Variants in PRAM1 observed in about 807,000 individuals in gnomAD.
The protein encoded by PRAM1 is PML-RARA regulated adaptor molecule 1.
In PRAM1, 41 loss-of-function variants were observed where a neutral mutation model predicts 55.3. That is an observed-to-expected ratio of 0.74 (90% CI 0.58 to 0.96). The LOEUF is 0.96. PRAM1 is among the 40% of genes least tolerant of loss of function. PRAM1 has a pLI of 0.00. For synonymous variants in PRAM1, 401 were observed against 387.1 expected, an observed-to-expected ratio of 1.04 and a Z score of -0.42; for missense variants, 898 against 892.7, an observed-to-expected ratio of 1.01 and a Z score of -0.08.
intron 5 of PRAM1, 41 bp from the exon 6 acceptor site, chr19:8,491,036 T>C (rs755876683): frequency 4.3e-6 from 7 of 1,612,408 alleles, no homozygotes; most frequent in Non-Finnish European, 5.9e-6. Context: ...CGTGAGCAAG[T>C]TGTGCTCCTC....
At chr19:8,494,112 T>A (rs1325190002) in intron 4 of PRAM1, among the ~76,000 whole-genome samples, 1 of 152,192 alleles carries the variant, frequency 6.6e-6, no homozygotes, top group Non-Finnish European at 1.5e-5. Flanking sequence ...TTTTCTTTTT[T>A]CCTATCAGAA....
At position 8,499,354 on chromosome 19, in the gene PRAM1, G is replaced by C. The variant is rs765883963; in HGVS notation, c.454C>G (p.Pro152Ala). Residue 152 changes from proline to alanine, a missense_variant, in exon 2 of 10, where the codon CCT (proline) becomes GCT (alanine). By Grantham distance (27) the Pro-to-Ala change is conservative. This residue lies in a region of PRAM1 where 787 missense variants were observed against 735.4 expected (regional missense o/e 1.07). Coordinates refer to ENST00000423345, the MANE Select transcript of PRAM1 (RefSeq NM_032152.5). Reference protein sequence around the residue: ...KPLQPEVGEAPLKASLPEPGA... With the variant: ...KPLQPEVGEAALKASLPEPGA... ...GGCTCCGGCAGCGAGGCCTTCAAAG[G>C]GGCCTCACCGACCTCAGGCTGCAGG... 3 of 1,612,422 alleles carry C rather than the reference G, an allele frequency of 1.9e-6. No homozygotes were observed. The highest frequency in any genetic ancestry group is 2.5e-6 in the Non-Finnish European group (3 of 1,179,554).
Position 8,490,096 on chromosome 19 carries a change from G to A in PRAM1, c.*93C>T. ...CTTTATGTGGCCAGGTACAAGCCCA[G>A]GCAGCTCTGTGACTTTCCCGCGCCG... On this transcript the variant is annotated 3_prime_UTR_variant, in exon 10 of 10. Transcript: ENST00000423345. This position sits in a 1 kb window ranked among gnomAD's most constrained non-coding sequence, Gnocchi z 7.3. The A allele has an allele frequency of 7.9e-7, 1 of 1,270,906 alleles. No individual in the cohort carries two copies. The highest frequency in any genetic ancestry group is 1.1e-6 in the Non-Finnish European group (1 of 932,100). 78.7% of individuals were successfully genotyped at this position (1,270,906 alleles called of 1,614,324 possible).
intron 1 of PRAM1, among the ~76,000 whole-genome samples, chr19:8,500,602 A>G (rs1971792998): frequency 6.6e-6 from 1 of 151,526 alleles, no homozygotes; most frequent in African/African-American, 2.4e-5. Context: ...CTACCCAGCC[A>G]CCTTCTCCTC....
At chr19:8,492,340 T>C (rs1971642120) in intron 4 of PRAM1, among the ~76,000 whole-genome samples, 1 of 151,676 alleles carries the variant, frequency 6.6e-6, no homozygotes, top group Non-Finnish European at 1.5e-5. Context: ...CACTGCAACC[T>C]CTGCCTCCTG....
rs761354770 is a variant in PRAM1 at position 8,499,336 on chromosome 19, G to A, written c.472C>T (p.Pro158Ser). ...VGEAPLKASL[P>S]EPGAPARKPL... ...TTCCGGGCCGGCGCACCAGGCTCCG[G>A]CAGCGAGGCCTTCAAAGGGGCCTCA... The change falls in exon 2 of 10, where the codon CCG becomes TCG. Residue 158 changes from proline (P) to serine (S), a missense_variant. This residue lies in a region of PRAM1 where 787 missense variants were observed against 735.4 expected (regional missense o/e 1.07). Coordinates refer to ENST00000423345, the MANE Select transcript of PRAM1 (RefSeq NM_032152.5). 1 of 1,611,562 alleles carries A rather than the reference G, an allele frequency of 6.2e-7. No homozygotes were observed. The highest frequency in any genetic ancestry group is 1.1e-5 in the South Asian group (1 of 90,956).
At chr19:8,502,102 C>T (rs575734545) in intron 1 of PRAM1, among the ~76,000 whole-genome samples, 2 of 152,198 alleles carry the variant, frequency 1.3e-5, no homozygotes, top group Admixed American at 6.5e-5. Context: ...GCCTGAAGTG[C>T]CCCTGTCAAA....
Position 8,490,679 on chromosome 19 carries a change from G to T in PRAM1, c.1821C>A (p.His607Gln). ...NAKTRRGGGKHLGIRRGEILE... is the reference protein window; with the variant it reads ...NAKTRRGGGKQLGIRRGEILE... ...GGATCTCCCCGCGCCGGATCCCGAG[G>T]TGCTTGCCACCCCCGCGACGTGTCT... Residue 607 changes from histidine to glutamine, a missense_variant, in exon 7 of 10, where the codon CAC (histidine) becomes CAA (glutamine). Coordinates refer to ENST00000423345, the MANE Select transcript of PRAM1 (RefSeq NM_032152.5). This position sits in a 1 kb window ranked among gnomAD's most constrained non-coding sequence, Gnocchi z 7.3. 1 of 1,602,826 alleles carries T rather than the reference G, an allele frequency of 6.2e-7. No individual in the cohort carries two copies. Among genetic ancestry groups the T allele is most frequent in the Non-Finnish European group, 8.5e-7 (1 of 1,174,810 alleles).
chr19:8,497,977 G>A (rs1971723976), intron 3 of PRAM1, 137 bp from the exon 4 acceptor site: 1 of 748,358 alleles, frequency 1.3e-6, no homozygotes, highest in Non-Finnish European at 2.1e-6. Flanking sequence ...CACCTCCCGG[G>A]TTCAAGCGAT....
intron 4 of PRAM1, among the ~76,000 whole-genome samples, chr19:8,494,197 T>C (rs1971666474): frequency 6.6e-6 from 1 of 152,046 alleles, no homozygotes; most frequent in Non-Finnish European, 1.5e-5. Context: ...GGGGACTGTA[T>C]GAAGTTTGAG....
Position 8,497,725 on chromosome 19 carries a change from C to T in PRAM1, c.1576+39G>A, listed in dbSNP as rs755054593. ...AGCATGGCAGAAAATGGCCTTGCCC[C>T]GAATGTTTTGCAGGGACTCGGGCAG... On this transcript the variant is annotated intron_variant, in intron 4 of 9. Coordinates refer to ENST00000423345, the MANE Select transcript of PRAM1 (RefSeq NM_032152.5). 1.2e-5 allele frequency: 18 copies of T among 1,553,294 alleles called. No homozygotes were observed. In the African/African-American group the frequency reaches 1.7e-4, roughly 14 times the overall value.
chr19:8,497,538 T>C (rs1230761865), intron 4 of PRAM1, among the ~76,000 whole-genome samples: 3 of 152,146 alleles, frequency 2.0e-5, no homozygotes, highest in Non-Finnish European at 4.4e-5. Context: ...TGCTTTTGAT[T>C]ACTGAATTCA....
At chr19:8,499,891 G>A (rs980691617) in intron 1 of PRAM1, 111 bp from the exon 2 acceptor site, 3 of 873,224 alleles carry the variant, frequency 3.4e-6, no homozygotes, top group Admixed American at 2.9e-5. Context: ...CTGCGCCCAG[G>A]CCCGGTCAGC....
intron 4 of PRAM1, among the ~76,000 whole-genome samples, chr19:8,497,173 CTTTT>C (rs34873845): frequency 1.0e-4 from 12 of 118,848 alleles, no homozygotes; most frequent in South Asian, 2.8e-4. Context: ...CCAAATCCTG[CTTTT>C]TTTTTTTTTT....
At chr19:8,496,841 C>T (rs1388704720) in intron 4 of PRAM1, among the ~76,000 whole-genome samples, 1 of 151,742 alleles carries the variant, frequency 6.6e-6, no homozygotes, top group Non-Finnish European at 1.5e-5. Context: ...ATCGAGACCA[C>T]GGTGAAACCC....
rs377249274 is a variant in PRAM1, at chr19:8,490,709, G to C, written c.1791C>G (p.Asn597Lys). 6.2e-7 allele frequency: 1 copy of C among 1,611,082 alleles called. No individual in the cohort carries two copies. The highest frequency in any genetic ancestry group is 1.7e-5 in the Admixed American group (1 of 59,606). ...VVHTKMMIDPNAKTRRGGGKH... is the reference protein window; with the variant it reads ...VVHTKMMIDPKAKTRRGGGKH... ...TGCCACCCCCGCGACGTGTCTTAGC[G>C]TTGGGGTCGATCATCATCTTCGTGT... The change falls in exon 7 of 10, where the codon AAC becomes AAG. Residue 597 changes from asparagine to lysine, a missense_variant. Around this residue, in one of 4 missense-constraint regions of PRAM1, gnomAD observed 787 missense variants for 735.4 expected, o/e 1.07. Coordinates refer to ENST00000423345, the MANE Select transcript of PRAM1 (RefSeq NM_032152.5). The surrounding 1 kb of genome is among the most constrained non-coding windows in gnomAD (Gnocchi z 7.3).
chr19:8,498,854 G>A lies in PRAM1; in HGVS notation c.954C>T (p.Ser318=). 6.2e-7 allele frequency: 1 copy of A among 1,609,090 alleles called. No homozygotes were observed. The highest frequency in any genetic ancestry group is 1.1e-5 in the South Asian group (1 of 90,392). Residue 318 remains serine (S), a synonymous_variant, in exon 2 of 10, where the codon TCC becomes TCT. Coordinates refer to ENST00000423345, the MANE Select transcript of PRAM1 (RefSeq NM_032152.5). ...CCAGCTCGGGCTGCGGGGGCTTCTT[G>A]GAGAGCGCTTTGAATTCGGCCGGCC... ...RPRPAEFKAL[S]KKPPQPELGG...
chr19:8,499,028 G>C lies in PRAM1; in HGVS notation c.780C>G (p.Ser260Arg). 6.2e-7 allele frequency: 1 copy of C among 1,613,578 alleles called. No individual in the cohort carries two copies. The change falls in exon 2 of 10, where the codon AGC becomes AGG. Residue 260 changes from serine (S) to arginine (R), a missense_variant. Around this residue, in one of 4 missense-constraint regions of PRAM1, gnomAD observed 787 missense variants for 735.4 expected, o/e 1.07. Coordinates refer to ENST00000423345, the MANE Select transcript of PRAM1 (RefSeq NM_032152.5). ...AGGCGCTGGAGTCGCGCTTCGGCTCGCTGGACTGAGGCTTCCAGAGGGGAG... is the reference window on the plus strand; with the variant it reads ...AGGCGCTGGAGTCGCGCTTCGGCTCCCTGGACTGAGGCTTCCAGAGGGGAG... Reference protein sequence around the residue: ...AQTPLWKPQSSEPKRDSSAFP... With the variant: ...AQTPLWKPQSREPKRDSSAFP...
intron 1 of PRAM1, among the ~76,000 whole-genome samples, chr19:8,501,179 A>C (rs1452424296): frequency 6.7e-6 from 1 of 148,474 alleles, no homozygotes; most frequent in Admixed American, 6.7e-5. Flanking sequence ...CCATACTGCA[A>C]CCTCCGCCTC....
Sources: allele counts gnomAD v4.1 joint callset (sites outside exome capture counted in the v4.1 genomes callset), GRCh38; gene constraint gnomAD v4.1.1; regional missense constraint gnomAD v4.1.1; non-coding constraint Gnocchi (gnomAD v3.1); transcripts MANE v1.5; gene names NCBI Gene and HGNC (gene_info 2026-07-23, HGNC 2026-07-21).